The following KNTC1 variants were observed in gnomAD, a reference collection of about 807,000 sequenced individuals.
The protein encoded by KNTC1 is kinetochore associated 1, also known as kinetochore-associated protein 1.
Under a neutral mutation model 314.4 loss-of-function variants are expected in KNTC1, and 253 were observed. That is an observed-to-expected ratio of 0.80 (90% CI 0.73 to 0.89). The LOEUF is 0.89. Among genes scored for constraint, KNTC1 ranks in the 40% least tolerant of loss-of-function variants. The probability of loss-of-function intolerance (pLI) is 0.00; values close to 1 mark genes in which losing one functional copy is unlikely to be tolerated. For synonymous variants in KNTC1, 901 were observed against 901.4 expected (o/e 1.00, Z 0.01); for missense variants, 2,475 against 2,572.9 (o/e 0.96, Z 0.82).
chr12:122,626,352 C>T lies in KNTC1; in HGVS notation c.*124C>T. 1 of 678,348 alleles carries T rather than the reference C, an allele frequency of 1.5e-6. No individual in the cohort carries two copies. Among genetic ancestry groups the T allele is most frequent in the Non-Finnish European group, 2.6e-6 (1 of 388,142 alleles). 42.0% of individuals were successfully genotyped at this position (678,348 alleles called of 1,614,324 possible). A position where few individuals can be genotyped will look rare whatever the true frequency, so the allele number is the denominator to read the frequency against. On this transcript the variant is annotated 3_prime_UTR_variant, in exon 64 of 64. Transcript: ENST00000333479. ...TAGCTATTTGTCTAACATTACCCCA[C>T]ATGTAATAAATAAAACAATATGAGC...
In KNTC1 at chr12:122,574,289, T is replaced by C; in HGVS notation, c.2291T>C (p.Leu764Pro). 6.3e-7 allele frequency: 1 copy of C among 1,594,800 alleles called. No individual in the cohort carries two copies. Among genetic ancestry groups the C allele is most frequent in the East Asian group, 2.2e-5 (1 of 44,784 alleles). The change falls in exon 27 of 64, where the codon CTG becomes CCG. Residue 764 changes from leucine to proline, a missense_variant. Transcript: ENST00000333479. Reference protein sequence around the residue: ...ELLLLYIEDLLNRCSSKSTSL... With the variant: ...ELLLLYIEDLPNRCSSKSTSL... ...ATGTTTATCCCTTTTTAGGATTTAC[T>C]GAATAGATGCAGCTCAAAGTCCACA...
rs751938729 is a variant in KNTC1, at chr12:122,622,608, G to A, written c.6515+1G>A. ...TGAACTATTTGGCAAATGACTTAAG[G>A]TAAGTTAATTAAAAAAAAAAAAACT... On this transcript the variant is annotated splice_donor_variant, in intron 62 of 63. Transcript: ENST00000333479. LOFTEE classifies it high-confidence loss of function. 2.0e-6 allele frequency: 3 copies of A among 1,502,364 alleles called. No individual in the cohort carries two copies. Among genetic ancestry groups the A allele is most frequent in the Non-Finnish European group, 2.7e-6 (3 of 1,128,316 alleles). 93.1% of individuals were successfully genotyped at this position (1,502,364 alleles called of 1,614,324 possible).
At chr12:122,557,735 T>C (rs1380727613) in intron 18 of KNTC1, 46 bp downstream of exon 18, 3 of 1,338,572 alleles carry the variant, frequency 2.2e-6, no homozygotes. Context: ...CAGGGGAGAA[T>C]TTGCTTTAAT....
intron 33 of KNTC1, 39 bp downstream of exon 33, chr12:122,580,709 C>T (rs1593599351): frequency 2.2e-6 from 3 of 1,339,716 alleles, no homozygotes; most frequent in East Asian, 5.1e-5. Context: ...ATTACTTGAC[C>T]AATCAGTGCA....
intron 63 of KNTC1, among the ~76,000 whole-genome samples, chr12:122,625,152 C>T (rs1874882019): frequency 6.6e-6 from 1 of 152,150 alleles, no homozygotes; most frequent in African/African-American, 2.4e-5. Flanking sequence ...CACCTGTAAT[C>T]CCAGCACTTT....
chr12:122,533,525 G>T (rs144036193), intron 2 of KNTC1, among the ~76,000 whole-genome samples: 2 of 152,072 alleles, frequency 1.3e-5, no homozygotes, highest in Non-Finnish European at 2.9e-5. Context: ...TGAAAACCCC[G>T]TCTCTATAAA....
chr12:122,603,335 T>C (rs1336755309), intron 48 of KNTC1, 92 bp downstream of exon 48: 3 of 902,374 alleles, frequency 3.3e-6, no homozygotes, highest in Non-Finnish European at 4.9e-6. Context: ...AGTTTTCAAA[T>C]GTATTTGCTT....
At chr12:122,570,391 C>G (rs1776256393) in intron 22 of KNTC1, among the ~76,000 whole-genome samples, 1 of 151,550 alleles carries the variant, frequency 6.6e-6, no homozygotes. Flanking sequence ...TGGTGGCATG[C>G]CTGTAATCAC....
In KNTC1 at chr12:122,604,609, A is replaced by T; in HGVS notation, c.5147A>T (p.Glu1716Val). The T allele has an allele frequency of 6.3e-7, 1 of 1,596,246 alleles. No homozygotes were observed. Among genetic ancestry groups the T allele is most frequent in the Non-Finnish European group, 8.6e-7 (1 of 1,164,566 alleles). The change falls in exon 49 of 64, where the codon GAG becomes GTG. Residue 1716 changes from glutamate to valine, a missense_variant. Coordinates refer to ENST00000333479, the MANE Select transcript of KNTC1 (RefSeq NM_014708.6). The stretch of plus-strand genomic sequence containing the variant: ...TTGAAATTCTGCCTTTATTTAGCTG[A>T]GAGATGGCTACAGAATATCCCATCG... ...SALKFCLYLA[E>V]RWLQNIPSQD...
intron 13 of KNTC1, among the ~76,000 whole-genome samples, chr12:122,550,417 C>T (rs1365444945): frequency 6.6e-6 from 1 of 151,712 alleles, no homozygotes; most frequent in East Asian, 1.9e-4. Context: ...TTAAATTTTA[C>T]CAATTGGGCC....
chr12:122,531,673 A>T (rs1485468218), intron 2 of KNTC1, among the ~76,000 whole-genome samples: 2 of 152,112 alleles, frequency 1.3e-5, no homozygotes, highest in Non-Finnish European at 2.9e-5. Context: ...AATTTTTTGA[A>T]TCCTTCGAGA....
At chr12:122,549,136 A>G (rs763154919) in intron 12 of KNTC1, among the ~76,000 whole-genome samples, 2 of 151,618 alleles carry the variant, frequency 1.3e-5, no homozygotes, top group Non-Finnish European at 2.9e-5. Flanking sequence ...GCTCACTGCA[A>G]CCTCTTCCTC....
At chr12:122,568,899 G>T (rs1964509251) in intron 21 of KNTC1, among the ~76,000 whole-genome samples, 1 of 152,062 alleles carries the variant, frequency 6.6e-6, no homozygotes, top group Non-Finnish European at 1.5e-5. Flanking sequence ...TATTAAATCA[G>T]AAGAAGTACA....
intron 20 of KNTC1, among the ~76,000 whole-genome samples, chr12:122,564,760 C>G (rs1261238783): frequency 6.6e-6 from 1 of 152,196 alleles, no homozygotes; most frequent in Non-Finnish European, 1.5e-5. Flanking sequence ...GCGTGAGGTA[C>G]CACGCCCAGT....
chr12:122,613,131 T>G lies in KNTC1; in HGVS notation c.5642T>G (p.Leu1881Ter). 3 of 1,612,126 alleles carry G rather than the reference T, an allele frequency of 1.9e-6. No homozygotes were observed. The highest frequency in any genetic ancestry group is 2.5e-6 in the Non-Finnish European group (3 of 1,178,368). The change falls in exon 54 of 64, where the codon TTA becomes TGA. Residue 1881 changes from leucine (L) to a stop codon, truncating the protein, a stop_gained. Transcript: ENST00000333479. LOFTEE classifies it high-confidence loss of function. ...TTTCAGACATTAGGTATGCATCAGTTAACTTTTGCCCATAGAACTCGAGCT... is the reference window on the plus strand; with the variant it reads ...TTTCAGACATTAGGTATGCATCAGTGAACTTTTGCCCATAGAACTCGAGCT... ...STTTTLGMHQ[L>*]TFAHRTRALQ...
rs79595031 is a variant in KNTC1, at chr12:122,533,114, G to T, written c.130-1550G>T. Among the ~76,000 whole-genome samples the T allele has an allele frequency of 6.6e-5, 10 of 151,490 alleles. No homozygotes were observed. In the East Asian group the frequency reaches 1.9e-3, roughly 29 times the overall value. Reference sequence around the variant, plus strand: ...AAGAAGGAGAACAGTCTAGAGAGAAGAGTCTAGAGAGAACAGTGTGGACAG... The same window carrying T: ...AAGAAGGAGAACAGTCTAGAGAGAATAGTCTAGAGAGAACAGTGTGGACAG... On this transcript the variant is annotated intron_variant, in intron 2 of 63. Transcript: ENST00000333479.
chr12:122,582,078 A>G (rs749844905), intron 33 of KNTC1, among the ~76,000 whole-genome samples: 5 of 152,200 alleles, frequency 3.3e-5, no homozygotes, highest in African/African-American at 4.8e-5. Flanking sequence ...AAGGAGTCCT[A>G]TGACCCAAAA....
intron 33 of KNTC1, among the ~76,000 whole-genome samples, chr12:122,582,332 G>A (rs567396838): frequency 6.6e-6 from 1 of 152,198 alleles, no homozygotes; most frequent in Admixed American, 6.5e-5. Context: ...GCAAGAAGAT[G>A]GTGTGAGACT....
intron 22 of KNTC1, 88 bp downstream of exon 22, chr12:122,569,912 T>A: frequency 8.8e-7 from 1 of 1,134,952 alleles, no homozygotes; most frequent in Non-Finnish European, 1.3e-6. Flanking sequence ...TTAACACCAG[T>A]TAACACCAGT....
Sources: allele counts gnomAD v4.1 joint callset (sites outside exome capture counted in the v4.1 genomes callset), GRCh38; gene constraint gnomAD v4.1.1; transcripts MANE v1.5; gene names NCBI Gene and HGNC (gene_info 2026-07-23, HGNC 2026-07-21).